Variants in RBFOX1 observed in about 807,000 individuals in gnomAD.
RBFOX1 encodes RNA binding protein fox-1 homolog 1.
RBFOX1 carries 8 observed loss-of-function variants against 57.7 expected under a neutral mutation model. The observed-to-expected ratio is 0.14, with a 90% CI of 0.08 to 0.25. RBFOX1 has a LOEUF of 0.25. Ranked by LOEUF, RBFOX1 falls within the 10% of genes least tolerant of loss-of-function variation. The pLI, the probability that RBFOX1 is intolerant of heterozygous loss-of-function variation, is 1.00. For missense variants in RBFOX1, 611 were observed against 548.5 expected, an observed-to-expected ratio of 1.11 and a Z score of -1.14; for synonymous variants, 326 against 222.4, an observed-to-expected ratio of 1.47 and a Z score of -4.15.
chr16:7,345,170 C>T (rs1387966939), intron 4 of RBFOX1, among the ~76,000 whole-genome samples: 1 of 152,154 alleles, frequency 6.6e-6, no homozygotes, highest in Admixed American at 6.5e-5. Context: ...GCAACGTTAC[C>T]AACACACATT....
chr16:6,791,701 G>C (rs1340123676), intron 3 of RBFOX1, among the ~76,000 whole-genome samples: 1 of 152,202 alleles, frequency 6.6e-6, no homozygotes, highest in Non-Finnish European at 1.5e-5. Flanking sequence ...AGAGGTTGCA[G>C]TGAGCAGAGA....
At chr16:5,639,197 C>A (rs73529722) in intron 3 of RBFOX1, among the ~76,000 whole-genome samples, 1 of 152,088 alleles carries the variant, frequency 6.6e-6, no homozygotes, top group African/African-American at 2.4e-5. Flanking sequence ...TTGCGTGATA[C>A]GTTCTAGAAT....
chr16:5,800,894 G>T (rs1379767319), intron 3 of RBFOX1, among the ~76,000 whole-genome samples: 1 of 152,156 alleles, frequency 6.6e-6, no homozygotes, highest in Non-Finnish European at 1.5e-5. Context: ...TGAGTTAATA[G>T]TTTAAAACTT....
chr16:6,720,674 T>G (rs577546494), intron 3 of RBFOX1, among the ~76,000 whole-genome samples: 1 of 152,258 alleles, frequency 6.6e-6, no homozygotes, highest in East Asian at 1.9e-4. Flanking sequence ...GAGACATGTG[T>G]CAGGAAGAGC....
chr16:6,741,553 C>T (rs148089407), intron 3 of RBFOX1, among the ~76,000 whole-genome samples: 169 of 151,890 alleles, frequency 1.1e-3, no homozygotes, highest in Non-Finnish European at 1.6e-3. Flanking sequence ...CCTGTAATCC[C>T]AGCTACTTGG....
chr16:6,346,236 A>G (rs1027088443), intron 2 of RBFOX1, among the ~76,000 whole-genome samples: 3 of 152,228 alleles, frequency 2.0e-5, no homozygotes, highest in Non-Finnish European at 4.4e-5. Flanking sequence ...TGAGCCCAAA[A>G]CAAGCAATCC....
intron 1 of RBFOX1, among the ~76,000 whole-genome samples, chr16:6,166,993 T>A (rs998626125): frequency 1.3e-5 from 2 of 152,138 alleles, no homozygotes; most frequent in African/African-American, 4.8e-5. Flanking sequence ...TAGGCTGGTC[T>A]CAAACTCCTG....
chr16:5,533,472 T>A lies in RBFOX1; in HGVS notation c.259-65430T>A, dbSNP rs534933085. ...GAGGGGTTTCTTGCTTGAACACACA[T>A]TTTTTTCTGATGGTGGCATGAGTGC... On this transcript the variant is annotated intron_variant, in intron 2 of 2. Coordinates refer to the RBFOX1 transcript ENST00000585867. Among the ~76,000 whole-genome samples the A allele has an allele frequency of 3.1e-4, 47 of 152,138 alleles. 1 individual carries two copies. In the South Asian group the frequency reaches 7.5e-3, roughly 24 times the overall value.
chr16:6,958,908 G>A (rs758889932), intron 3 of RBFOX1, among the ~76,000 whole-genome samples: 2 of 152,004 alleles, frequency 1.3e-5, no homozygotes, highest in Non-Finnish European at 2.9e-5. Context: ...TAAAATTAAT[G>A]ACAAGGCGTA....
chr16:6,658,254 T>A (rs935904712), intron 3 of RBFOX1, among the ~76,000 whole-genome samples: 1 of 151,852 alleles, frequency 6.6e-6, no homozygotes, highest in Non-Finnish European at 1.5e-5. Context: ...TTTTTTTTTT[T>A]TTTAACAGTC....
At chr16:6,665,560 G>C (rs936234330) in intron 3 of RBFOX1, among the ~76,000 whole-genome samples, 1 of 151,354 alleles carries the variant, frequency 6.6e-6, no homozygotes, top group Non-Finnish European at 1.5e-5. Context: ...GGGAGGCGGT[G>C]ATTGCAGTGA....
intron 1 of RBFOX1, among the ~76,000 whole-genome samples, chr16:6,250,589 T>G (rs754061544): frequency 1.3e-5 from 2 of 152,138 alleles, no homozygotes; most frequent in South Asian, 2.1e-4. Flanking sequence ...AGGAGAAGCC[T>G]TTGAAACCCA....
chr16:6,343,444 A>G (rs894909328), intron 2 of RBFOX1, among the ~76,000 whole-genome samples: 1 of 152,198 alleles, frequency 6.6e-6, no homozygotes, highest in African/African-American at 2.4e-5. Context: ...TTCTACATTG[A>G]AGAACTGAAG....
chr16:5,677,663 C>T (rs3964091), intron 3 of RBFOX1, among the ~76,000 whole-genome samples: 3,722 of 152,252 alleles, frequency 0.024, 159 homozygotes, highest in African/African-American at 0.083. Flanking sequence ...ATAAACATGT[C>T]GTGTTAGTAG....
At chr16:5,822,645 C>T (rs2055896168) in intron 3 of RBFOX1, among the ~76,000 whole-genome samples, 1 of 152,142 alleles carries the variant, frequency 6.6e-6, no homozygotes, top group Non-Finnish European at 1.5e-5. Context: ...CACAATGCTG[C>T]TACAAGAATT....
At chr16:6,523,745 G>A (rs1567549591) in intron 2 of RBFOX1, among the ~76,000 whole-genome samples, 1 of 152,130 alleles carries the variant, frequency 6.6e-6, no homozygotes, top group East Asian at 1.9e-4. Context: ...AGCCCCATTG[G>A]TTGACTATAA....
intron 4 of RBFOX1, among the ~76,000 whole-genome samples, chr16:7,445,185 T>G (rs2346943): frequency 0.38 from 58,051 of 151,896 alleles, 11,544 homozygotes; most frequent in Non-Finnish European, 0.44. Flanking sequence ...TTAGCAAGGA[T>G]TAAACAAAGG....
At chr16:5,639,302 A>C (rs889123299) in intron 3 of RBFOX1, among the ~76,000 whole-genome samples, 4 of 152,188 alleles carry the variant, frequency 2.6e-5, no homozygotes, top group African/African-American at 9.7e-5. Flanking sequence ...CTGAATTTCA[A>C]ATGTCTCTGC....
At chr16:6,801,811 A>T (rs2085529543) in intron 3 of RBFOX1, among the ~76,000 whole-genome samples, 1 of 152,116 alleles carries the variant, frequency 6.6e-6, no homozygotes, top group African/African-American at 2.4e-5. Context: ...TTTTCCAAAG[A>T]TTATATACCT....
Sources: gnomAD v4.1 joint callset for allele counts (sites outside exome capture counted in the v4.1 genomes callset) on GRCh38, gnomAD v4.1.1 for gene constraint, MANE v1.5 for transcripts, NCBI Gene and HGNC (gene_info 2026-07-23, HGNC 2026-07-21) for gene names.